The following APCDD1 variants were observed in gnomAD, a reference collection of about 807,000 sequenced individuals.
APCDD1 encodes the protein protein APCDD1.
A neutral mutation model predicts 38.1 loss-of-function variants in APCDD1; 15 were observed. That is an observed-to-expected ratio of 0.39 (90% CI 0.26 to 0.61). The LOEUF is 0.61. Ranked by LOEUF, APCDD1 falls within the 20% of genes least tolerant of loss-of-function variation. APCDD1 has a pLI of 0.49. For missense variants in APCDD1, 647 were observed against 696.2 expected, an observed-to-expected ratio of 0.93 and a Z score of 0.79; for synonymous variants, 261 against 279.7, an observed-to-expected ratio of 0.93 and a Z score of 0.67.
At chr18:10,478,232 C>T (rs1018090082) in intron 3 of APCDD1, among the ~76,000 whole-genome samples, 1 of 152,246 alleles carries the variant, frequency 6.6e-6, no homozygotes, top group Non-Finnish European at 1.5e-5. Context: ...ACAGTGGTAA[C>T]AGGCCCGAGG....
chr18:10,474,892 C>T (rs1568005392), intron 3 of APCDD1, among the ~76,000 whole-genome samples: 1 of 152,148 alleles, frequency 6.6e-6, no homozygotes, highest in Non-Finnish European at 1.5e-5. Context: ...GTAAAGCTGA[C>T]CTTTTTAGAA....
intron 1 of APCDD1, among the ~76,000 whole-genome samples, chr18:10,456,813 T>C (rs2030393421): frequency 6.6e-6 from 1 of 152,102 alleles, no homozygotes; most frequent in African/African-American, 2.4e-5. Flanking sequence ...CTTCCATAAC[T>C]CCGGGGATCT....
intron 1 of APCDD1, among the ~76,000 whole-genome samples, chr18:10,465,199 G>A (rs901789981): frequency 6.6e-6 from 1 of 152,126 alleles, no homozygotes; most frequent in Non-Finnish European, 1.5e-5. Context: ...ACAATCAGTG[G>A]GGGCCCCAGT....
intron 1 of APCDD1, among the ~76,000 whole-genome samples, chr18:10,468,145 C>T (rs2030760622): frequency 6.6e-6 from 1 of 152,220 alleles, no homozygotes; most frequent in African/African-American, 2.4e-5. Flanking sequence ...CACAAACACT[C>T]CTCAGATGCA....
At chr18:10,465,948 A>G (rs1294439830) in intron 1 of APCDD1, among the ~76,000 whole-genome samples, 1 of 151,844 alleles carries the variant, frequency 6.6e-6, no homozygotes, top group Non-Finnish European at 1.5e-5. Flanking sequence ...CATCCACTAC[A>G]CTCCTGGCTT....
At position 10,472,174 on chromosome 18, in the gene APCDD1, C is replaced by T. The variant is rs571401139; in HGVS notation, c.774+113C>T. On this transcript the variant is annotated intron_variant, in intron 3 of 4. Coordinates refer to ENST00000355285, the MANE Select transcript of APCDD1 (RefSeq NM_153000.5). The surrounding 1 kb of genome is among the most constrained non-coding windows in gnomAD (Gnocchi z 6.6). Reference sequence around the variant, plus strand: ...TGAAAGGGGGAATTCTGCATCATGGCGGGGCAGGCCAAGGTGGGGCTGCTG... The same window carrying T: ...TGAAAGGGGGAATTCTGCATCATGGTGGGGCAGGCCAAGGTGGGGCTGCTG... 65 of 1,461,752 alleles carry T rather than the reference C, an allele frequency of 4.4e-5. No homozygotes were observed. The highest frequency in any genetic ancestry group is 5.1e-5 in the Non-Finnish European group (54 of 1,058,050). 90.5% of individuals were successfully genotyped at this position (1,461,752 alleles called of 1,614,324 possible). A position where few individuals can be genotyped will look rare whatever the true frequency, so the allele number is the denominator to read the frequency against.
intron 1 of APCDD1, among the ~76,000 whole-genome samples, chr18:10,461,398 C>T (rs1200802135): frequency 6.6e-6 from 1 of 152,166 alleles, no homozygotes; most frequent in Non-Finnish European, 1.5e-5. Context: ...CATTGGACCC[C>T]CAATGTTTGA....
In APCDD1 at chr18:10,472,751, G is replaced by A. The variant is rs1174573773; in HGVS notation, c.774+690G>A. 6.6e-6 allele frequency among the ~76,000 whole-genome samples: 1 copy of A among 152,230 alleles called. No homozygotes were observed. Among genetic ancestry groups the A allele is most frequent in the Non-Finnish European group, 1.5e-5 (1 of 68,042 alleles). ...CACCATAATCAGAAGAGGGGACTAA[G>A]GAGAGCAGGAAACAATTAAACCTTA... On this transcript the variant is annotated intron_variant, in intron 3 of 4. Coordinates refer to ENST00000355285, the MANE Select transcript of APCDD1 (RefSeq NM_153000.5). This position sits in a 1 kb window ranked among gnomAD's most constrained non-coding sequence, Gnocchi z 6.6.
rs186616216 is a variant in APCDD1 at position 10,471,661 on chromosome 18, G to T, written c.374G>T (p.Arg125Leu). 1 of 1,614,076 alleles carries T rather than the reference G, an allele frequency of 6.2e-7. No homozygotes were observed. Among genetic ancestry groups the T allele is most frequent in the Admixed American group, 1.7e-5 (1 of 60,016 alleles). Residue 125 changes from arginine (R) to leucine (L), a missense_variant, in exon 3 of 5, where the codon CGG becomes CTG. Coordinates refer to ENST00000355285, the MANE Select transcript of APCDD1 (RefSeq NM_153000.5). This position sits in a 1 kb window ranked among gnomAD's most constrained non-coding sequence, Gnocchi z 5.5. ...CTNPTYTLII[R>L]GKIRLRQASW... is the part of the protein sequence containing the mutation. ...AATCCCACTTATACTCTCATCATCC[G>T]GGGCAAGATCCGCCTCCGCCAGGCC...
intron 1 of APCDD1, among the ~76,000 whole-genome samples, chr18:10,456,028 G>T (rs1444933742): frequency 2.0e-5 from 3 of 152,246 alleles, no homozygotes; most frequent in African/African-American, 7.2e-5. Context: ...TCCGGCTTCA[G>T]AATGCATGGT....
intron 4 of APCDD1, among the ~76,000 whole-genome samples, chr18:10,486,771 G>A (rs2031258085): frequency 6.6e-6 from 1 of 152,182 alleles, no homozygotes; most frequent in Non-Finnish European, 1.5e-5. Context: ...AAGAGGGATA[G>A]CCTCGATCCC....
intron 3 of APCDD1, among the ~76,000 whole-genome samples, chr18:10,482,039 TCCCCTCCC>T (rs1160508971): frequency 6.6e-6 from 1 of 151,740 alleles, no homozygotes; most frequent in Non-Finnish European, 1.5e-5. Context: ...CAGTGCCCCC[TCCCCTCCC>T]CCGAGCCTTT....
intron 3 of APCDD1, among the ~76,000 whole-genome samples, chr18:10,484,211 G>C (rs1384175076): frequency 6.6e-6 from 1 of 152,204 alleles, no homozygotes; most frequent in Non-Finnish European, 1.5e-5. Context: ...TCTGAACCTG[G>C]AGGCGGGCAG....
At chr18:10,473,020 G>A (rs1166161704) in intron 3 of APCDD1, among the ~76,000 whole-genome samples, 2 of 152,118 alleles carry the variant, frequency 1.3e-5, no homozygotes, top group South Asian at 2.1e-4. Flanking sequence ...CTCCCCGGCC[G>A]TCCCCATTGA....
In APCDD1 at chr18:10,475,409, T is replaced by C. The variant is rs2030967320; in HGVS notation, c.774+3348T>C. Among the ~76,000 whole-genome samples, 1 of 151,884 alleles carries C rather than the reference T, an allele frequency of 6.6e-6. No individual in the cohort carries two copies. The highest frequency in any genetic ancestry group is 6.6e-5 in the Admixed American group (1 of 15,262). On this transcript the variant is annotated intron_variant, in intron 3 of 4. Coordinates refer to ENST00000355285, the MANE Select transcript of APCDD1 (RefSeq NM_153000.5). The surrounding 1 kb of genome is among the most constrained non-coding windows in gnomAD (Gnocchi z 4.0). ...ATACTACACGAGACATATTGTTAAG[T>C]AGGAAAAAAGGAAGTTATAAAATAG...
At chr18:10,466,182 G>A (rs1185881547) in intron 1 of APCDD1, among the ~76,000 whole-genome samples, 1 of 152,192 alleles carries the variant, frequency 6.6e-6, no homozygotes, top group African/African-American at 2.4e-5. Context: ...CAGACAGCAA[G>A]TTATACTGGT....
rs2030342051 is a variant in APCDD1 at position 10,455,119 on chromosome 18, T to C, written c.58+80T>C. 6.5e-6 allele frequency: 10 copies of C among 1,536,160 alleles called. No homozygotes were observed. The East Asian group carries it at 7.5e-5, about 11-fold the overall frequency. On this transcript the variant is annotated intron_variant, in intron 1 of 4. Coordinates refer to ENST00000355285, the MANE Select transcript of APCDD1 (RefSeq NM_153000.5). ...CCGCGGAGCCCGCGGAGGCGTCGGG[T>C]CTGGATCGCGGCACGGCCTACACTG...
At position 10,485,468 on chromosome 18, in the gene APCDD1, G is replaced by T; in HGVS notation, c.781G>T (p.Asp261Tyr). The T allele has an allele frequency of 6.2e-7, 1 of 1,613,914 alleles. No homozygotes were observed. Among genetic ancestry groups the T allele is most frequent in the South Asian group, 1.1e-5 (1 of 91,052 alleles). ...GTTTGTTTCTTGGCTTCAGAACCAC[G>T]ACCATGCCTGCATCGCCTGTCGGAT... ...QPPLQNAKNH[D>Y]HACIACRIIY... The change falls in exon 4 of 5, where the codon GAC becomes TAC. Residue 261 changes from aspartate (D) to tyrosine (Y), a missense_variant. Transcript: ENST00000355285. This position sits in a 1 kb window ranked among gnomAD's most constrained non-coding sequence, Gnocchi z 5.8.
intron 1 of APCDD1, among the ~76,000 whole-genome samples, chr18:10,462,216 A>G (rs2030563999): frequency 6.6e-6 from 1 of 152,240 alleles, no homozygotes; most frequent in Admixed American, 6.5e-5. Flanking sequence ...TATTATAAAT[A>G]ATAGGTGTAC....
Sources: gnomAD v4.1 joint callset for allele counts (sites outside exome capture counted in the v4.1 genomes callset) on GRCh38, gnomAD v4.1.1 for gene constraint, Gnocchi (gnomAD v3.1) non-coding constraint, MANE v1.5 for transcripts, NCBI Gene and HGNC (gene_info 2026-07-23, HGNC 2026-07-21) for gene names.